The following IQCM variants were observed in gnomAD, a reference collection of about 807,000 sequenced individuals.
IQCM encodes the protein IQ domain-containing protein M.
In IQCM, 45 loss-of-function variants were observed where a neutral mutation model predicts 57.6. That is an observed-to-expected ratio of 0.78 (90% CI 0.62 to 1.00). The LOEUF is 1.00. IQCM is among the 50% of genes least tolerant of loss of function. IQCM has a pLI of 0.00. For synonymous variants in IQCM, 148 were observed against 158.9 expected (o/e 0.93, Z 0.51); for missense variants, 468 against 511.6 (o/e 0.91, Z 0.82).
intron 8 of IQCM, among the ~76,000 whole-genome samples, chr4:149,618,812 T>C (rs1172367782): frequency 2.6e-5 from 4 of 152,178 alleles, no homozygotes; most frequent in Middle Eastern, 3.4e-3. Context: ...ACAGTGGCTA[T>C]TGAAATGTCA....
At chr4:149,663,120 T>A (rs1374222242) in intron 7 of IQCM, among the ~76,000 whole-genome samples, 4 of 152,152 alleles carry the variant, frequency 2.6e-5, no homozygotes, top group African/African-American at 7.2e-5. Flanking sequence ...AGTCTTGTAG[T>A]TATAATAGCT....
chr4:149,761,000 A>T (rs546669421), intron 2 of IQCM, among the ~76,000 whole-genome samples: 196 of 152,268 alleles, frequency 1.3e-3, no homozygotes, highest in African/African-American at 4.5e-3. Flanking sequence ...ATCAGGTATT[A>T]GAGGACAGAG....
chr4:149,661,496 C>T (rs1433211583), intron 7 of IQCM, among the ~76,000 whole-genome samples: 1 of 152,024 alleles, frequency 6.6e-6, no homozygotes, highest in Non-Finnish European at 1.5e-5. Context: ...ATTCTCTCCT[C>T]GAGTTTATAG....
intron 8 of IQCM, among the ~76,000 whole-genome samples, chr4:149,604,870 G>A (rs1006825280): frequency 6.6e-6 from 1 of 152,106 alleles, no homozygotes. Flanking sequence ...AGGAGGTGAT[G>A]GGGGGTGGGA....
At chr4:149,541,532 C>T (rs1747852295) in intron 12 of IQCM, among the ~76,000 whole-genome samples, 1 of 151,910 alleles carries the variant, frequency 6.6e-6, no homozygotes, top group Admixed American at 6.6e-5. Flanking sequence ...AATATACACC[C>T]ACAATTTATT....
At chr4:149,695,495 A>T (rs904318337) in intron 5 of IQCM, among the ~76,000 whole-genome samples, 1 of 152,220 alleles carries the variant, frequency 6.6e-6, no homozygotes, top group East Asian at 1.9e-4. Context: ...TTTGGGTTGA[A>T]GGAATAATGT....
chr4:149,444,147 C>T (rs1418276626), intron 12 of IQCM, among the ~76,000 whole-genome samples: 1 of 151,964 alleles, frequency 6.6e-6, no homozygotes, highest in African/African-American at 2.4e-5. Context: ...AGAAAGGCTA[C>T]ATATATTTAT....
intron 8 of IQCM, among the ~76,000 whole-genome samples, chr4:149,620,819 T>A (rs1380638089): frequency 6.6e-6 from 1 of 152,210 alleles, no homozygotes; most frequent in East Asian, 1.9e-4. Context: ...TTCTTGACAG[T>A]CTATGTACCA....
intron 12 of IQCM, among the ~76,000 whole-genome samples, chr4:149,450,581 A>G (rs1737003919): frequency 6.6e-6 from 1 of 151,864 alleles, no homozygotes; most frequent in African/African-American, 2.4e-5. Context: ...AAGGAGACAT[A>G]TAAAAGGCAA....
chr4:149,596,269 A>C (rs1054360661), intron 8 of IQCM, among the ~76,000 whole-genome samples: 2 of 152,162 alleles, frequency 1.3e-5, no homozygotes, highest in African/African-American at 4.8e-5. Context: ...TCTCAACATA[A>C]TCCAACAATA....
chr4:149,587,177 A>G, intron 9 of IQCM, among the ~76,000 whole-genome samples: 1 of 151,804 alleles, frequency 6.6e-6, no homozygotes, highest in East Asian at 1.9e-4. Context: ...CTTACACTGC[A>G]TGACGTTGGA....
intron 5 of IQCM, among the ~76,000 whole-genome samples, chr4:149,723,670 A>G (rs546116976): frequency 1.7e-3 from 263 of 151,968 alleles, no homozygotes; most frequent in African/African-American, 5.2e-3. Context: ...TTTCTGATGC[A>G]CTGTTGGATT....
chr4:149,646,892 G>C (rs1264522702), intron 7 of IQCM, among the ~76,000 whole-genome samples: 1 of 152,182 alleles, frequency 6.6e-6, no homozygotes, highest in African/African-American at 2.4e-5. Flanking sequence ...GCTGAGGCAG[G>C]AGAATCTGTT....
Position 149,686,395 on chromosome 4 carries a change from C to A in IQCM, c.459G>T (p.Gln153His). The part of the protein sequence containing the change: ...VSKKMETAKQ[Q>H]HFEESRNRML... ...TACATTACCTGGACTCCTCAAAGTGCTGTTGCTTTGCTGTCTCCATTTTTT... is the reference window on the plus strand; with the variant it reads ...TACATTACCTGGACTCCTCAAAGTGATGTTGCTTTGCTGTCTCCATTTTTT... Residue 153 changes from glutamine to histidine, a missense_variant, in exon 6 of 14, where the codon CAG (glutamine) becomes CAT (histidine). Transcript: ENST00000636793. 3 of 1,221,150 alleles carry A rather than the reference C, an allele frequency of 2.5e-6. No individual in the cohort carries two copies. Among genetic ancestry groups the A allele is most frequent in the Non-Finnish European group, 3.1e-6 (3 of 978,460 alleles). 75.6% of individuals were successfully genotyped at this position (1,221,150 alleles called of 1,614,324 possible).
At chr4:149,728,709 A>G (rs552229179) in intron 5 of IQCM, among the ~76,000 whole-genome samples, 2 of 152,278 alleles carry the variant, frequency 1.3e-5, no homozygotes, top group South Asian at 4.1e-4. Context: ...TCCAAGTACC[A>G]AGGAAGAAAA....
At chr4:149,486,765 A>T (rs138762124) in intron 12 of IQCM, among the ~76,000 whole-genome samples, 227 of 152,074 alleles carry the variant, frequency 1.5e-3, no homozygotes, top group African/African-American at 5.2e-3. Flanking sequence ...ACAAACAAAA[A>T]AGCCCAAGAG....
At chr4:149,654,313 G>A (rs976294099) in intron 7 of IQCM, among the ~76,000 whole-genome samples, 4 of 152,074 alleles carry the variant, frequency 2.6e-5, no homozygotes, top group Non-Finnish European at 5.9e-5. Flanking sequence ...ATGGGGTGTG[G>A]TAGGAGGTGT....
chr4:149,405,185 A>G (rs746013700), intron 13 of IQCM, among the ~76,000 whole-genome samples: 51 of 152,246 alleles, frequency 3.3e-4, no homozygotes, highest in Non-Finnish European at 5.3e-4. Flanking sequence ...CAAATTGCAT[A>G]AAGTCATAAT....
At chr4:149,779,533 C>T (rs952009363) in intron 2 of IQCM, among the ~76,000 whole-genome samples, 5 of 152,052 alleles carry the variant, frequency 3.3e-5, no homozygotes, top group African/African-American at 1.2e-4. Flanking sequence ...GATACTAGAA[C>T]AAATGGATAT....
Sources: gnomAD v4.1 joint callset for allele counts (sites outside exome capture counted in the v4.1 genomes callset) on GRCh38, gnomAD v4.1.1 for gene constraint, MANE v1.5 for transcripts, NCBI Gene and HGNC (gene_info 2026-07-23, HGNC 2026-07-21) for gene names.